The following DLG2 variants were observed in gnomAD, a reference collection of about 807,000 sequenced individuals.
DLG2 encodes disks large homolog 2.
A neutral mutation model predicts 132.5 loss-of-function variants in DLG2; 45 were observed. That is an observed-to-expected ratio of 0.34 (90% CI 0.27 to 0.44). The LOEUF (loss-of-function observed/expected upper bound fraction) is 0.44. DLG2 is among the 20% of genes least tolerant of loss of function. DLG2 has a pLI of 1.00. For missense variants in DLG2, 1,045 were observed against 1,196.9 expected, an observed-to-expected ratio of 0.87 and a Z score of 1.87; for synonymous variants, 424 against 419.6, an observed-to-expected ratio of 1.01 and a Z score of -0.13.
At chr11:84,847,218 G>T (rs1266991470) in intron 6 of DLG2, among the ~76,000 whole-genome samples, 1 of 152,122 alleles carries the variant, frequency 6.6e-6, no homozygotes, top group Non-Finnish European at 1.5e-5. Context: ...GCATGCAGAA[G>T]CCAAGAAGGG....
At chr11:84,655,578 A>G (rs557251492) in intron 6 of DLG2, among the ~76,000 whole-genome samples, 1 of 152,268 alleles carries the variant, frequency 6.6e-6, no homozygotes, top group Non-Finnish European at 1.5e-5. Context: ...GATGGAGCTC[A>G]CCAGAAGAAA....
chr11:85,269,497 C>G (rs1767136178), intron 4 of DLG2, among the ~76,000 whole-genome samples: 1 of 152,194 alleles, frequency 6.6e-6, no homozygotes, highest in African/African-American at 2.4e-5. Flanking sequence ...ATTGTAGAGT[C>G]AGAGATAACT....
intron 9 of DLG2, 130 bp downstream of exon 9, chr11:84,163,331 T>C: frequency 1.4e-6 from 1 of 730,080 alleles, no homozygotes; most frequent in Non-Finnish European, 2.2e-6. Flanking sequence ...AATATTCTCA[T>C]TGTGAGTCCT....
intron 6 of DLG2, among the ~76,000 whole-genome samples, chr11:84,642,089 T>TAG (rs1276903581): frequency 2.3e-5 from 3 of 133,104 alleles, no homozygotes; most frequent in African/African-American, 9.6e-5. Flanking sequence ...TGTGTATATG[T>TAG]AGAGTGTGTG....
intron 3 of DLG2, among the ~76,000 whole-genome samples, chr11:85,500,758 G>A (rs914929831): frequency 2.6e-5 from 4 of 152,046 alleles, no homozygotes; most frequent in Admixed American, 6.6e-5. Flanking sequence ...ACTGCTCAAG[G>A]AAATAAGAGA....
intron 4 of DLG2, among the ~76,000 whole-genome samples, chr11:85,168,364 G>C (rs188979278): frequency 3.3e-4 from 50 of 152,196 alleles, no homozygotes; most frequent in Non-Finnish European, 1.2e-4. Context: ...GAAATGTAGA[G>C]TGAAATAAGT....
intron 3 of DLG2, among the ~76,000 whole-genome samples, chr11:85,494,501 A>G (rs1259232177): frequency 6.6e-6 from 1 of 152,184 alleles, no homozygotes; most frequent in Non-Finnish European, 1.5e-5. Context: ...AAGATTAAAA[A>G]AAAGGAAAGT....
At chr11:84,207,590 G>A (rs1202231679) in intron 8 of DLG2, among the ~76,000 whole-genome samples, 2 of 152,076 alleles carry the variant, frequency 1.3e-5, no homozygotes, top group African/African-American at 2.4e-5. Context: ...ATATCTATTG[G>A]AAAAATTGAA....
At chr11:84,647,783 T>C (rs1316479132) in intron 6 of DLG2, among the ~76,000 whole-genome samples, 1 of 152,184 alleles carries the variant, frequency 6.6e-6, no homozygotes, top group African/African-American at 2.4e-5. Context: ...CGGATCCTAC[T>C]AGGCTTTCTA....
At chr11:84,347,007 G>C in intron 7 of DLG2, among the ~76,000 whole-genome samples, 1 of 152,194 alleles carries the variant, frequency 6.6e-6, no homozygotes, top group Non-Finnish European at 1.5e-5. Flanking sequence ...TATTTAAAAA[G>C]TAATTATGGC....
chr11:85,078,043 T>C (rs1404810735), intron 6 of DLG2, among the ~76,000 whole-genome samples: 1 of 151,932 alleles, frequency 6.6e-6, no homozygotes, highest in Non-Finnish European at 1.5e-5. Flanking sequence ...TTACCTTTTT[T>C]ACATTTCCAT....
chr11:84,612,035 T>G (rs1284186679), intron 6 of DLG2, among the ~76,000 whole-genome samples: 1 of 152,314 alleles, frequency 6.6e-6, no homozygotes, highest in Admixed American at 6.5e-5. Context: ...ACCATTAGTT[T>G]AATCAAGATA....
At chr11:85,205,485 A>G (rs2081819756) in intron 4 of DLG2, among the ~76,000 whole-genome samples, 1 of 152,148 alleles carries the variant, frequency 6.6e-6, no homozygotes, top group African/African-American at 2.4e-5. Flanking sequence ...TAGTGGAATA[A>G]CTATGGTTAA....
intron 6 of DLG2, among the ~76,000 whole-genome samples, chr11:84,969,973 C>T (rs895382769): frequency 1.3e-5 from 2 of 151,956 alleles, no homozygotes; most frequent in Non-Finnish European, 2.9e-5. Flanking sequence ...ACGATGAGAA[C>T]GCATGGACAG....
At chr11:83,503,503 TCA>T (rs1298387556) in intron 21 of DLG2, among the ~76,000 whole-genome samples, 1 of 149,132 alleles carries the variant, frequency 6.7e-6, no homozygotes, top group Non-Finnish European at 1.5e-5. Flanking sequence ...TCACAAGGTC[TCA>T]CAATAAGGCA....
At chr11:84,118,499 G>A (rs1474174466) in intron 9 of DLG2, among the ~76,000 whole-genome samples, 1 of 152,034 alleles carries the variant, frequency 6.6e-6, no homozygotes, top group Non-Finnish European at 1.5e-5. Context: ...TTTCTCTAAC[G>A]AGTTCATATT....
At chr11:83,878,007 G>A (rs913948894) in intron 15 of DLG2, among the ~76,000 whole-genome samples, 4 of 152,136 alleles carry the variant, frequency 2.6e-5, no homozygotes, top group African/African-American at 9.7e-5. Context: ...ACCTTTTCCT[G>A]TCTCTTTCAC....
At chr11:85,001,934 C>T (rs922999367) in intron 6 of DLG2, among the ~76,000 whole-genome samples, 5 of 152,208 alleles carry the variant, frequency 3.3e-5, no homozygotes, top group Admixed American at 2.6e-4. Flanking sequence ...TGGCTATAAA[C>T]CCAAATCTCC....
At chr11:85,117,047 T>C (rs756878579) in intron 5 of DLG2, among the ~76,000 whole-genome samples, 2 of 151,944 alleles carry the variant, frequency 1.3e-5, no homozygotes, top group African/African-American at 2.4e-5. Context: ...ACGTGGCAAA[T>C]TGGTTCTTAA....
Sources: gnomAD v4.1 joint callset for allele counts (sites outside exome capture counted in the v4.1 genomes callset) on GRCh38, gnomAD v4.1.1 for gene constraint, MANE v1.5 for transcripts, NCBI Gene and HGNC (gene_info 2026-07-23, HGNC 2026-07-21) for gene names.